The following NUDT9 variants were observed in gnomAD, a reference collection of about 807,000 sequenced individuals.
NUDT9 encodes ADP-ribose pyrophosphatase.
Under a neutral mutation model 41.0 loss-of-function variants are expected in NUDT9, and 31 were observed. That is an observed-to-expected ratio of 0.76 (90% confidence interval 0.57 to 1.02). The LOEUF (loss-of-function observed/expected upper bound fraction) is 1.02. Ranked by LOEUF, NUDT9 falls within the 50% of genes least tolerant of loss-of-function variation. The pLI is 0.00. For missense variants in NUDT9, 380 were observed against 431.4 expected (o/e 0.88, Z 1.06); for synonymous variants, 146 against 147.6 (o/e 0.99, Z 0.08).
intron 2 of NUDT9, among the ~76,000 whole-genome samples, chr4:87,436,850 C>T (rs1045428114): frequency 1.3e-5 from 2 of 152,172 alleles, no homozygotes; most frequent in African/African-American, 2.4e-5. Flanking sequence ...TTCAGAACTG[C>T]CCATGAACTA....
At chr4:87,441,303 A>G (rs1334809944) in intron 3 of NUDT9, among the ~76,000 whole-genome samples, 1 of 152,220 alleles carries the variant, frequency 6.6e-6, no homozygotes, top group Non-Finnish European at 1.5e-5. Context: ...ATTTTTATAA[A>G]ATTGTATTTT....
At position 87,435,199 on chromosome 4, in the gene NUDT9, G is replaced by A. The variant is rs2110168324; in HGVS notation, c.326G>A (p.Arg109Lys). The change falls in exon 2 of 8, where the codon AGG becomes AAG. Residue 109 changes from arginine to lysine, a missense_variant. Physicochemically the swap from Arg to Lys is conservative, Grantham distance 26. Coordinates refer to ENST00000302174, the MANE Select transcript of NUDT9 (RefSeq NM_024047.5). Reference protein sequence around the residue: ...YTAVSVLAGPRWADPQISESN... With the variant: ...YTAVSVLAGPKWADPQISESN... ...GCAGTCTCTGTCTTGGCTGGACCCAGGTGGGCAGATCCTCAGATCAGGTGA... is the reference window on the plus strand; with the variant it reads ...GCAGTCTCTGTCTTGGCTGGACCCAAGTGGGCAGATCCTCAGATCAGGTGA... 2 of 1,613,548 alleles carry A rather than the reference G, an allele frequency of 1.2e-6. No individual in the cohort carries two copies. The highest frequency in any genetic ancestry group is 2.2e-5 in the South Asian group (2 of 90,954).
intron 4 of NUDT9, among the ~76,000 whole-genome samples, chr4:87,446,876 GTCA>G (rs1722486068): frequency 6.6e-6 from 1 of 152,136 alleles, no homozygotes; most frequent in East Asian, 1.9e-4. Flanking sequence ...CTTCTGTCCT[GTCA>G]TCATCTTTTA....
chr4:87,451,574 TAA>T lies in NUDT9; in HGVS notation c.643-14_643-13del. 1.3e-6 allele frequency: 2 copies of T among 1,599,300 alleles called. No individual in the cohort carries two copies. Among genetic ancestry groups the T allele is most frequent in the South Asian group, 1.1e-5 (1 of 89,200 alleles). On this transcript the variant is annotated splice_polypyrimidine_tract_variant and intron_variant, in intron 5 of 7. Coordinates refer to ENST00000302174, the MANE Select transcript of NUDT9 (RefSeq NM_024047.5). Reference sequence around the variant, plus strand: ...AGCTGATCCCTTTTTTCAAAATTTTTAATGTGACTCTTAGGGGATGGTGGATC... The same window carrying T: ...AGCTGATCCCTTTTTTCAAAATTTTTTGTGACTCTTAGGGGATGGTGGATC...
At chr4:87,433,917 TAAA>T (rs1721792484) in intron 1 of NUDT9, among the ~76,000 whole-genome samples, 2 of 152,218 alleles carry the variant, frequency 1.3e-5, no homozygotes, top group African/African-American at 4.8e-5. Flanking sequence ...ATTTTCAGTG[TAAA>T]AAATTTTTCA....
At chr4:87,437,984 TAGCATGAGGTAGG>T (rs1178292627) in intron 2 of NUDT9, among the ~76,000 whole-genome samples, 2 of 152,162 alleles carry the variant, frequency 1.3e-5, no homozygotes, top group Non-Finnish European at 2.9e-5. Context: ...GACCTTCTTG[TAGCATGAGGTAGG>T]AGCTCTAGCT....
chr4:87,451,993 C>T (rs1313557276), intron 6 of NUDT9, among the ~76,000 whole-genome samples: 47 of 151,658 alleles, frequency 3.1e-4, no homozygotes, highest in Non-Finnish European at 2.8e-4. Flanking sequence ...TAACTTTTTT[C>T]TTCTTAGTTT....
chr4:87,438,410 C>A, intron 3 of NUDT9, 38 bp downstream of exon 3: 1 of 1,112,124 alleles, frequency 9.0e-7, no homozygotes, highest in Non-Finnish European at 1.4e-6. Context: ...AATAATGAGT[C>A]ACCAAAAAGT....
chr4:87,435,875 T>A (rs1350680365), intron 2 of NUDT9, among the ~76,000 whole-genome samples: 1 of 152,232 alleles, frequency 6.6e-6, no homozygotes, highest in Non-Finnish European at 1.5e-5. Context: ...ACATATACAT[T>A]GTGAAGTGAT....
chr4:87,436,497 G>C (rs1721945016), intron 2 of NUDT9, among the ~76,000 whole-genome samples: 1 of 152,022 alleles, frequency 6.6e-6, no homozygotes, highest in Non-Finnish European at 1.5e-5. Context: ...TTTTAGCAGA[G>C]AAGAGTTCTC....
intron 6 of NUDT9, among the ~76,000 whole-genome samples, chr4:87,452,220 C>G (rs549477719): frequency 1.4e-4 from 21 of 152,224 alleles, no homozygotes; most frequent in Admixed American, 3.3e-4. Context: ...CCAGGCTGGC[C>G]TTGAACTCCT....
Position 87,435,018 on chromosome 4 carries a change from A to G in NUDT9, c.145A>G (p.Asn49Asp), listed in dbSNP as rs369801890. ...ATCTTCTTGGTTTCATCTTAATACC[A>G]ACGTCATGTCTGGTTCTAATGGTTC... ...FSSSWFHLNT[N>D]VMSGSNGSKE... The change falls in exon 2 of 8, where the codon AAC becomes GAC. Residue 49 changes from asparagine to aspartate, a missense_variant. Asn to Asp is a conservative substitution (Grantham distance 23). Transcript: ENST00000302174. 143 of 1,613,772 alleles carry G rather than the reference A, an allele frequency of 8.9e-5. No individual in the cohort carries two copies. The highest frequency in any genetic ancestry group is 1.2e-4 in the Non-Finnish European group (138 of 1,179,868).
At position 87,449,243 on chromosome 4, in the gene NUDT9, C is replaced by T; in HGVS notation, c.632C>T (p.Ala211Val). The T allele has an allele frequency of 6.4e-7, 1 of 1,554,366 alleles. No homozygotes were observed. The highest frequency in any genetic ancestry group is 8.9e-7 in the Non-Finnish European group (1 of 1,125,884). ...AAAAGGAAAGACTGTGGAGAATGGGCAATCCCAGGGGTAAGCATTAAAATT... is the reference window on the plus strand; with the variant it reads ...AAAAGGAAAGACTGTGGAGAATGGGTAATCCCAGGGGTAAGCATTAAAATT... ...AIKRKDCGEW[A>V]IPGGMVDPGE... Residue 211 changes from alanine to valine, a missense_variant, in exon 5 of 8, where the codon GCA (alanine) becomes GTA (valine). By Grantham distance (64) the Ala-to-Val change is moderately conservative (BLOSUM62 0). Transcript: ENST00000302174.
chr4:87,429,983 T>A (rs988336090), intron 1 of NUDT9, among the ~76,000 whole-genome samples: 1 of 152,174 alleles, frequency 6.6e-6, no homozygotes, highest in African/African-American at 2.4e-5. Flanking sequence ...CCTGTGTATA[T>A]GTTGCCTTAC....
At chr4:87,446,016 G>A (rs971926249) in intron 4 of NUDT9, among the ~76,000 whole-genome samples, 4 of 149,820 alleles carry the variant, frequency 2.7e-5, no homozygotes, top group African/African-American at 4.9e-5. Flanking sequence ...CTCCCACCTC[G>A]GCTTCCCAAA....
At chr4:87,426,440 C>T (rs899471868) in intron 1 of NUDT9, among the ~76,000 whole-genome samples, 12 of 151,060 alleles carry the variant, frequency 7.9e-5, no homozygotes, top group Admixed American at 2.0e-4. Flanking sequence ...GACAGAGTCT[C>T]GCACTGTCGC....
chr4:87,448,608 G>A (rs988135906), intron 4 of NUDT9, among the ~76,000 whole-genome samples: 2 of 151,960 alleles, frequency 1.3e-5, no homozygotes, highest in Admixed American at 1.3e-4. Context: ...AGTCTCCCAA[G>A]TAGCTAGGAC....
At chr4:87,451,116 A>G (rs2110188647) in intron 5 of NUDT9, among the ~76,000 whole-genome samples, 1 of 152,334 alleles carries the variant, frequency 6.6e-6, no homozygotes, top group African/African-American at 2.4e-5. Flanking sequence ...ATGTTAGGTA[A>G]CTATCTGAAG....
intron 1 of NUDT9, among the ~76,000 whole-genome samples, chr4:87,424,374 C>T (rs1004094481): frequency 2.6e-5 from 4 of 151,388 alleles, no homozygotes; most frequent in Non-Finnish European, 4.4e-5. Context: ...ATTCTTCTGC[C>T]TCAGCCTCTT....
Sources: allele counts gnomAD v4.1 joint callset (sites outside exome capture counted in the v4.1 genomes callset), GRCh38; gene constraint gnomAD v4.1.1; transcripts MANE v1.5; gene names NCBI Gene and HGNC (gene_info 2026-07-23, HGNC 2026-07-21).